ERBB4: variants seen among roughly 807,000 people sequenced by gnomAD.
ERBB4 encodes the protein erb-b2 receptor tyrosine kinase 4, also known as receptor tyrosine-protein kinase erbB-4.
ERBB4 carries 42 observed loss-of-function variants against 158.0 expected under a neutral mutation model. That is an observed-to-expected ratio of 0.27 (90% CI 0.21 to 0.34). The LOEUF (loss-of-function observed/expected upper bound fraction) is 0.34. Among genes scored for constraint, ERBB4 ranks in the 10% least tolerant of loss-of-function variants. ERBB4 has a pLI of 1.00. For synonymous variants in ERBB4, 583 were observed against 558.7 expected, an observed-to-expected ratio of 1.04 and a Z score of -0.61; for missense variants, 1,333 against 1,624.1, an observed-to-expected ratio of 0.82 and a Z score of 3.08.
At chr2:211,948,167 T>A (rs1278432002) in intron 2 of ERBB4, among the ~76,000 whole-genome samples, 2 of 152,136 alleles carry the variant, frequency 1.3e-5, no homozygotes, top group African/African-American at 2.4e-5. Flanking sequence ...CCGGGCATGG[T>A]GGCTCATGCC....
chr2:211,905,692 ATG>A (rs528650712), intron 3 of ERBB4, among the ~76,000 whole-genome samples: 4 of 128,274 alleles, frequency 3.1e-5, no homozygotes, highest in South Asian at 5.2e-4. Flanking sequence ...ACACACATAT[ATG>A]TGTGTGTATG....
rs1241301783 is a variant in ERBB4, at chr2:211,910,320, T to G, written c.421+37110A>C. On this transcript the variant is annotated intron_variant, in intron 3 of 27. Transcript: ENST00000342788. ...TAGTTTTATCTTTCTCACTATGCCA[T>G]AAAACATAATAATATTGTCTAATTT... 2.0e-5 allele frequency among the ~76,000 whole-genome samples: 3 copies of G among 151,256 alleles called. 1 individual carries two copies. The highest frequency in any genetic ancestry group is 7.2e-5 in the African/African-American group (3 of 41,468).
At position 211,772,849 on chromosome 2, in the gene ERBB4, A is replaced by G. The variant is rs1274244101; in HGVS notation, c.556+15176T>C. ...TATATATATATACACATATATATAT[A>G]TATATATATATATATATATACACAT... On this transcript the variant is annotated intron_variant, in intron 4 of 27. Transcript: ENST00000342788. Among the ~76,000 whole-genome samples the G allele has an allele frequency of 2.4e-5, 2 of 83,890 alleles. 1 individual carries two copies. Among genetic ancestry groups the G allele is most frequent in the African/African-American group, 1.1e-4 (2 of 18,704 alleles). The allele number at this position is 83,890 out of a possible 152,430, so 55.0% of individuals were successfully genotyped here.
At chr2:211,873,554 T>C (rs1187256675) in intron 3 of ERBB4, among the ~76,000 whole-genome samples, 3 of 152,280 alleles carry the variant, frequency 2.0e-5, no homozygotes, top group Admixed American at 2.0e-4. Flanking sequence ...CTACATATTT[T>C]TTTCCCCAAA....
At chr2:211,987,317 T>C (rs1430525212) in intron 2 of ERBB4, among the ~76,000 whole-genome samples, 1 of 9,168 alleles carries the variant, frequency 1.1e-4, no homozygotes, top group Non-Finnish European at 2.1e-4. Context: ...GGAGACTCCA[T>C]CTCAAGAAAA....
chr2:211,947,357 C>G (rs2080729949), intron 3 of ERBB4, 73 bp downstream of exon 3: 1 of 1,216,794 alleles, frequency 8.2e-7, no homozygotes, highest in African/African-American at 1.5e-5. Context: ...ACAAATATGA[C>G]AGTAACCCTA....
intron 3 of ERBB4, among the ~76,000 whole-genome samples, chr2:211,914,657 A>T (rs1241620723): frequency 1.3e-5 from 2 of 152,132 alleles, no homozygotes; most frequent in African/African-American, 2.4e-5. Context: ...AGAGTTAAAC[A>T]TATTTTTATA....
chr2:211,699,673 G>T (rs2073159343), intron 12 of ERBB4, among the ~76,000 whole-genome samples: 1 of 151,722 alleles, frequency 6.6e-6, no homozygotes, highest in East Asian at 1.9e-4. Flanking sequence ...TCCCCAAACT[G>T]CAAAGTCAAT....
intron 1 of ERBB4, among the ~76,000 whole-genome samples, chr2:212,282,197 G>C (rs904105692): frequency 6.6e-6 from 1 of 151,726 alleles, no homozygotes; most frequent in Admixed American, 6.6e-5. Context: ...AGATTAACCT[G>C]GCAGGCACCA....
At chr2:211,785,101 T>A (rs897810278) in intron 4 of ERBB4, among the ~76,000 whole-genome samples, 2 of 145,196 alleles carry the variant, frequency 1.4e-5, no homozygotes, top group African/African-American at 5.1e-5. Flanking sequence ...GCCTTTTTTT[T>A]TTTTTTTTTT....
chr2:211,561,714 A>AAAATATAT (rs2067397281), intron 20 of ERBB4, 189 bp downstream of exon 20: 2 of 609,846 alleles, frequency 3.3e-6, no homozygotes, highest in Non-Finnish European at 5.8e-6. Context: ...CAATAATCTA[A>AAAATATAT]AAATATATAT....
chr2:211,399,999 A>C (rs761153273), intron 25 of ERBB4, among the ~76,000 whole-genome samples: 2 of 152,178 alleles, frequency 1.3e-5, no homozygotes, highest in Non-Finnish European at 2.9e-5. Flanking sequence ...AAAGTATTTT[A>C]AGGATAATCA....
At chr2:212,257,002 G>A (rs2084762767) in intron 1 of ERBB4, among the ~76,000 whole-genome samples, 1 of 152,054 alleles carries the variant, frequency 6.6e-6, no homozygotes, top group African/African-American at 2.4e-5. Flanking sequence ...TTTAGGGTAC[G>A]AATGATCCCA....
chr2:211,553,125 C>T (rs1209377601), intron 20 of ERBB4, among the ~76,000 whole-genome samples: 3 of 151,980 alleles, frequency 2.0e-5, no homozygotes, highest in South Asian at 2.1e-4. Context: ...CCCACCACCA[C>T]GCCCGGCTAA....
At chr2:212,189,354 T>A (rs906628722) in intron 1 of ERBB4, among the ~76,000 whole-genome samples, 2 of 152,174 alleles carry the variant, frequency 1.3e-5, no homozygotes, top group Non-Finnish European at 2.9e-5. Flanking sequence ...TATCTACTGT[T>A]GTCATTTCTT....
At chr2:211,780,132 C>T (rs1054299288) in intron 4 of ERBB4, among the ~76,000 whole-genome samples, 3 of 152,068 alleles carry the variant, frequency 2.0e-5, no homozygotes, top group East Asian at 1.9e-4. Context: ...GAGGCTGTGG[C>T]GGGAGGATAA....
intron 12 of ERBB4, among the ~76,000 whole-genome samples, 195 bp downstream of exon 12, chr2:211,701,772 A>G (rs1575012436): frequency 6.6e-6 from 1 of 151,278 alleles, no homozygotes; most frequent in East Asian, 1.9e-4. Flanking sequence ...AAAAAAAAAA[A>G]AAAAAAAAAA....
intron 1 of ERBB4, among the ~76,000 whole-genome samples, chr2:212,329,787 T>G (rs1485722695): frequency 6.6e-6 from 1 of 152,082 alleles, no homozygotes; most frequent in Non-Finnish European, 1.5e-5. Flanking sequence ...ATCAAGATAA[T>G]TTATAAAATC....
chr2:212,114,205 T>C (rs1054298661), intron 2 of ERBB4, among the ~76,000 whole-genome samples: 4 of 152,296 alleles, frequency 2.6e-5, no homozygotes, highest in African/African-American at 9.6e-5. Flanking sequence ...TATGAATGTA[T>C]GTAATGGGAG....
Sources: allele counts gnomAD v4.1 joint callset (sites outside exome capture counted in the v4.1 genomes callset), GRCh38; gene constraint gnomAD v4.1.1; transcripts MANE v1.5; gene names NCBI Gene and HGNC (gene_info 2026-07-23, HGNC 2026-07-21).